The following ZBTB25 variants were observed in gnomAD, a reference collection of about 807,000 sequenced individuals.
ZBTB25 encodes the protein zinc finger and BTB domain containing 25.
Under a neutral mutation model 34.2 loss-of-function variants are expected in ZBTB25, and 20 were observed. The ratio of observed to expected loss-of-function variants is 0.58; its 90% confidence interval spans 0.41 to 0.85. The LOEUF (loss-of-function observed/expected upper bound fraction) is 0.85. Ranked by LOEUF, ZBTB25 falls within the 40% of genes least tolerant of loss-of-function variation. The pLI, the probability that ZBTB25 is intolerant of heterozygous loss-of-function variation, is 0.00. For synonymous variants in ZBTB25, 175 were observed against 186.4 expected, an observed-to-expected ratio of 0.94 and a Z score of 0.50; for missense variants, 437 against 521.8, an observed-to-expected ratio of 0.84 and a Z score of 1.58.
At chr14:64,451,328 G>T (rs943403704) in intron 2 of ZBTB25, among the ~76,000 whole-genome samples, 1 of 151,990 alleles carries the variant, frequency 6.6e-6, no homozygotes, top group Non-Finnish European at 1.5e-5. Flanking sequence ...GGCCTGGCTT[G>T]GTTTTTAATA....
At chr14:64,490,619 C>T (rs1566606054) in intron 1 of ZBTB25, 79 bp from the exon 2 acceptor site, 37 of 1,303,654 alleles carry the variant, frequency 2.8e-5, no homozygotes, top group Non-Finnish European at 3.7e-5. Flanking sequence ...AAATTGTCTA[C>T]AGTTCACACA....
rs565331584 is a variant in ZBTB25 at position 64,486,104 on chromosome 14, C to T, written c.*819G>A. On this transcript the variant is annotated 3_prime_UTR_variant, in exon 3 of 3. Transcript: ENST00000608382. ...GACGAGGTCAGGAGATCGAGACCAT[C>T]CTGGCTAACACGGTGAAACCCCGTC... The T allele has an allele frequency of 1.0e-5, 8 of 761,954 alleles. No individual in the cohort carries two copies. Among genetic ancestry groups the T allele is most frequent in the Non-Finnish European group, 1.3e-5 (8 of 627,042 alleles). The allele number at this position is 761,954 out of a possible 1,614,324, so 47.2% of individuals were successfully genotyped here.
At chr14:64,470,675 GA>G (rs1255392147) in intron 2 of ZBTB25, 1 of 166,692 alleles carries the variant, frequency 6.0e-6, no homozygotes, top group Non-Finnish European at 1.5e-5. Flanking sequence ...TAGAAACAGG[GA>G]GAGTGGGTTT....
At chr14:64,498,212 C>T (rs1005091533) in intron 1 of ZBTB25, among the ~76,000 whole-genome samples, 1 of 152,128 alleles carries the variant, frequency 6.6e-6, no homozygotes, top group Non-Finnish European at 1.5e-5. Flanking sequence ...GCTGACTATA[C>T]TGTAAAACCT....
At chr14:64,474,680 T>C (rs1480434070), downstream of ZBTB25, among the ~76,000 whole-genome samples, 2 of 152,216 alleles carry the variant, frequency 1.3e-5, no homozygotes, top group African/African-American at 2.4e-5. Flanking sequence ...GCAAGACAAA[T>C]ATAAACACCT....
Position 64,480,198 on chromosome 14 carries a change from C to T in ZBTB25, c.*6725G>A. 1 of 246,650 alleles carries T rather than the reference C, an allele frequency of 4.1e-6. No individual in the cohort carries two copies. Among genetic ancestry groups the T allele is most frequent in the Non-Finnish European group, 8.2e-6 (1 of 122,270 alleles). The allele number at this position is 246,650 out of a possible 1,614,324, so 15.3% of individuals were successfully genotyped here. A position where few individuals can be genotyped will look rare whatever the true frequency, so the allele number is the denominator to read the frequency against. On this transcript the variant is annotated 3_prime_UTR_variant, in exon 3 of 3. Transcript: ENST00000608382. ...ATTAGCCGAGTGTAGTGGTGGGAAC[C>T]TGTAATCTCAGCTACTCGGGAGGCT...
At chr14:64,449,575 A>G (rs748649972) in exon 3 of ZBTB25, 1 of 1,614,240 alleles carries the variant, frequency 6.2e-7, no homozygotes, top group Non-Finnish European at 8.5e-7. Context: ...GGCCGTCCAG[A>G]GAGCAGCACA....
rs1566595507 is a variant in ZBTB25, at chr14:64,485,848, G to A, written c.*1075C>T. 1.0e-6 allele frequency: 1 copy of A among 985,224 alleles called. No individual in the cohort carries two copies. Among genetic ancestry groups the A allele is most frequent in the Non-Finnish European group, 1.2e-6 (1 of 829,924 alleles). The allele number at this position is 985,224 out of a possible 1,614,324, so 61.0% of individuals were successfully genotyped here. ...AAAATCTCAAATTACTTTTTAAGGT[G>A]TCTAAGAAAACACTCTAGACCAAGT... On this transcript the variant is annotated 3_prime_UTR_variant, in exon 3 of 3. Coordinates refer to ENST00000608382, the MANE Select transcript of ZBTB25 (RefSeq NM_006977.5).
Position 64,486,014 on chromosome 14 carries a change from T to G in ZBTB25, c.*909A>C. 1 of 984,692 alleles carries G rather than the reference T, an allele frequency of 1.0e-6. No individual in the cohort carries two copies. The highest frequency in any genetic ancestry group is 1.2e-6 in the Non-Finnish European group (1 of 829,256). The allele number at this position is 984,692 out of a possible 1,614,324, so 61.0% of individuals were successfully genotyped here. On this transcript the variant is annotated 3_prime_UTR_variant, in exon 3 of 3. Coordinates refer to ENST00000608382, the MANE Select transcript of ZBTB25 (RefSeq NM_006977.5). ...GACTCTTCTCCCTTTAACTGTTTTT[T>G]TTATTAAAAATGAGATATACCACAT...
intron 2 of ZBTB25, among the ~76,000 whole-genome samples, chr14:64,452,624 A>G (rs923911751): frequency 1.3e-4 from 20 of 152,222 alleles, no homozygotes; most frequent in Non-Finnish European, 2.5e-4. Flanking sequence ...GACATGCCCA[A>G]TGCGTGTTGA....
intron 2 of ZBTB25, chr14:64,453,780 C>A: frequency 6.2e-7 from 1 of 1,611,370 alleles, no homozygotes; most frequent in South Asian, 1.1e-5. Flanking sequence ...AAATCAGGAT[C>A]ATTGCACAGA....
rs77437277 is a variant in ZBTB25 at position 64,460,511 on chromosome 14, T to C, written c.174-10873A>G. 2.8e-3 allele frequency: 427 copies of C among 152,156 alleles called. 3 individuals are homozygous for C. The highest frequency in any genetic ancestry group is 6.8e-3 in the Middle Eastern group (2 of 294). The allele number at this position is 152,156 out of a possible 1,614,324, so 9.4% of individuals were successfully genotyped here. Reference sequence around the variant, plus strand: ...ACTTTTTATTTTTATTTTTATTTTTTTGAGACAGTGTCTCTGTCGCCCAGG... The same window carrying C: ...ACTTTTTATTTTTATTTTTATTTTTCTGAGACAGTGTCTCTGTCGCCCAGG... On this transcript the variant is annotated intron_variant, in intron 2 of 2. Coordinates refer to the ZBTB25 transcript ENST00000555220.
exon 3 of ZBTB25, chr14:64,449,358 A>G: frequency 6.7e-7 from 1 of 1,482,848 alleles, no homozygotes; most frequent in South Asian, 1.1e-5. Flanking sequence ...TCAGTGGGTA[A>G]TTCACATGAG....
At chr14:64,502,944 G>A (rs2079544973) in intron 1 of ZBTB25, 9 of 985,502 alleles carry the variant, frequency 9.1e-6, no homozygotes, top group Non-Finnish European at 1.1e-5. Context: ...GCCAGGACTT[G>A]AGTCTCAAGA....
intron 2 of ZBTB25, chr14:64,470,349 G>C (rs1320368288): frequency 6.0e-6 from 1 of 166,488 alleles, no homozygotes; most frequent in Non-Finnish European, 1.5e-5. Flanking sequence ...CAGCACTTTG[G>C]GAGGCCAAGG....
chr14:64,486,052 C>T lies in ZBTB25; in HGVS notation c.*871G>A. Reference sequence around the variant, plus strand: ...AGATATACCACATCTGTAATCCCAGCACTTTGGGAGGCCAAGGCGGGCAGA... The same window carrying T: ...AGATATACCACATCTGTAATCCCAGTACTTTGGGAGGCCAAGGCGGGCAGA... On this transcript the variant is annotated 3_prime_UTR_variant, in exon 3 of 3. Coordinates refer to ENST00000608382, the MANE Select transcript of ZBTB25 (RefSeq NM_006977.5). The T allele has an allele frequency of 1.0e-6, 1 of 981,328 alleles. No homozygotes were observed. The highest frequency in any genetic ancestry group is 1.2e-6 in the Non-Finnish European group (1 of 826,276). 60.8% of individuals were successfully genotyped at this position (981,328 alleles called of 1,614,324 possible).
chr14:64,489,708 G>C (rs901305476), intron 2 of ZBTB25, among the ~76,000 whole-genome samples: 9 of 151,194 alleles, frequency 6.0e-5, no homozygotes, highest in African/African-American at 2.2e-4. Context: ...GCTAATTTTT[G>C]TATTTTTAGT....
At chr14:64,489,687 C>A (rs1004823982) in intron 2 of ZBTB25, among the ~76,000 whole-genome samples, 7 of 151,640 alleles carry the variant, frequency 4.6e-5, no homozygotes, top group Non-Finnish European at 8.8e-5. Context: ...AGGCGCCCAC[C>A]ACCATGCCTG....
chr14:64,474,581 A>T, downstream of ZBTB25: 1 of 165,068 alleles, frequency 6.1e-6, no homozygotes, highest in Middle Eastern at 3.4e-3. Flanking sequence ...CATTGATGGA[A>T]CTACTGAGTT....
Sources: allele counts gnomAD v4.1 joint callset (sites outside exome capture counted in the v4.1 genomes callset), GRCh38; gene constraint gnomAD v4.1.1; transcripts MANE v1.5; gene names NCBI Gene and HGNC (gene_info 2026-07-23, HGNC 2026-07-21).